The following CASTOR1 variants were observed in gnomAD, a reference collection of about 807,000 sequenced individuals.
CASTOR1 encodes GATS protein like 3.
A neutral mutation model predicts 33.7 loss-of-function variants in CASTOR1; 18 were observed. That is an observed-to-expected ratio of 0.53 (90% CI 0.37 to 0.79). The LOEUF (loss-of-function observed/expected upper bound fraction) is 0.79. Among genes scored for constraint, CASTOR1 ranks in the 30% least tolerant of loss-of-function variants. CASTOR1 has a pLI of 0.00. For synonymous variants in CASTOR1, 175 were observed against 190.6 expected, an observed-to-expected ratio of 0.92 and a Z score of 0.67; for missense variants, 362 against 446.3, an observed-to-expected ratio of 0.81 and a Z score of 1.70.
chr22:30,286,728 C>A (rs1233100480), intron 5 of CASTOR1, 97 bp downstream of exon 5: 1 of 1,483,530 alleles, frequency 6.7e-7, no homozygotes, highest in Non-Finnish European at 9.3e-7. Flanking sequence ...CAAGAGAGGA[C>A]AAGCAAGAGG....
intron 4 of CASTOR1, 60 bp from the exon 5 acceptor site, chr22:30,287,008 T>C (rs1929792335): frequency 3.8e-6 from 6 of 1,572,488 alleles, no homozygotes; most frequent in African/African-American, 2.7e-5. Flanking sequence ...CCCTGGTGGC[T>C]AGTCAGGGAG....
chr22:30,288,587 G>T, intron 2 of CASTOR1, 119 bp downstream of exon 2: 3 of 798,140 alleles, frequency 3.8e-6, no homozygotes, highest in East Asian at 2.8e-5. Flanking sequence ...TTCGAACCCC[G>T]ACCCATCTGC....
Position 30,288,755 on chromosome 22 carries a change from C to T in CASTOR1, c.135G>A (p.Thr45=). Reference sequence around the variant, plus strand: ...TAAGCGTGTAATCCTCAGGGGTCTCCGTCAGGCTGAAGAACTTGCACCTGG... The same window carrying T: ...TAAGCGTGTAATCCTCAGGGGTCTCTGTCAGGCTGAAGAACTTGCACCTGG... ...RRSRCKFFSL[T]ETPEDYTLMV... is the part of the protein sequence containing the mutation. Residue 45 remains threonine (T), a synonymous_variant, in exon 2 of 9, where the codon ACG becomes ACA. Transcript: ENST00000407689. 6.2e-7 allele frequency: 1 copy of T among 1,612,364 alleles called. No individual in the cohort carries two copies. Among genetic ancestry groups the T allele is most frequent in the Non-Finnish European group, 8.5e-7 (1 of 1,179,366 alleles).
chr22:30,287,176 C>T lies in CASTOR1; in HGVS notation c.484G>A (p.Gly162Ser), dbSNP rs1333967389. The T allele has an allele frequency of 1.2e-6, 2 of 1,611,194 alleles. No homozygotes were observed. The highest frequency in any genetic ancestry group is 2.2e-5 in the South Asian group (2 of 90,864). The change falls in exon 4 of 9, where the codon GGC (glycine) becomes AGC (serine). Residue 162 changes from glycine (G) to serine (S), a missense_variant. Coordinates refer to ENST00000407689, the MANE Select transcript of CASTOR1 (RefSeq NM_001037666.3). Reference sequence around the variant, plus strand: ...TCACCATGCTGAGTGCGGGGAAAGCCATTGCTGGAATCATCCCTCGTCACA... The same window carrying T: ...TCACCATGCTGAGTGCGGGGAAAGCTATTGCTGGAATCATCCCTCGTCACA... ...VPVTRDDSSN[G>S]FPRTQHGPSP...
Position 30,288,688 on chromosome 22 carries a change from C to A in CASTOR1, c.184+18G>T. On this transcript the variant is annotated intron_variant, in intron 2 of 8. Transcript: ENST00000407689. ...GACAAGCCCCTCCCGTACTCCCGTT[C>A]CCCAGACCAACCCCCACCTTTAAAG... is the stretch of plus-strand genomic sequence containing the variant. 6.2e-7 allele frequency: 1 copy of A among 1,607,744 alleles called. No individual in the cohort carries two copies.
chr22:30,285,591 C>A lies in CASTOR1; in HGVS notation c.*29G>T, dbSNP rs777212762. 1 of 1,520,470 alleles carries A rather than the reference C, an allele frequency of 6.6e-7. No individual in the cohort carries two copies. The highest frequency in any genetic ancestry group is 8.9e-7 in the Non-Finnish European group (1 of 1,121,818). The allele number at this position is 1,520,470 out of a possible 1,614,324, so 94.2% of individuals were successfully genotyped here. ...TTGGAAGCCTGGGTCGAGGGGAGAG[C>A]AGGGAGGCTGCTCTGTTGCCCATGG... On this transcript the variant is annotated 3_prime_UTR_variant, in exon 9 of 9. Transcript: ENST00000407689.
At chr22:30,288,204 G>C (rs750883298) in intron 2 of CASTOR1, among the ~76,000 whole-genome samples, 38 of 152,230 alleles carry the variant, frequency 2.5e-4, no homozygotes, top group Non-Finnish European at 4.1e-4. Context: ...CTGGGTGGCT[G>C]CTATTCACCC....
At chr22:30,286,682 G>T in intron 5 of CASTOR1, 143 bp downstream of exon 5, 1 of 1,078,284 alleles carries the variant, frequency 9.3e-7, no homozygotes, top group Non-Finnish European at 1.4e-6. Flanking sequence ...GAACATCAGT[G>T]AAGCACAAGT....
intron 7 of CASTOR1, 40 bp from the exon 8 acceptor site, chr22:30,285,966 G>T (rs1408312368): frequency 6.3e-7 from 1 of 1,583,408 alleles, no homozygotes; most frequent in South Asian, 1.2e-5. Context: ...GCACATGCCG[G>T]TTGCTCCCCA....
intron 2 of CASTOR1, 22 bp downstream of exon 2, chr22:30,288,684 C>T (rs1929849883): frequency 6.2e-7 from 1 of 1,603,536 alleles, no homozygotes; most frequent in Non-Finnish European, 8.5e-7. Context: ...CCCGTACTCC[C>T]GTTCCCCAGA....
intron 4 of CASTOR1, 37 bp downstream of exon 4, chr22:30,287,118 C>G: frequency 6.3e-7 from 1 of 1,585,184 alleles, no homozygotes; most frequent in Non-Finnish European, 8.6e-7. Flanking sequence ...GAAGAGGAGG[C>G]CCTGCCCAAG....
chr22:30,286,907 G>A lies in CASTOR1; in HGVS notation c.547C>T (p.Arg183Cys), dbSNP rs373540448. 53 of 1,614,032 alleles carry A rather than the reference G, an allele frequency of 3.3e-5. No individual in the cohort carries two copies. Among genetic ancestry groups the A allele is most frequent in the Admixed American group, 6.7e-5 (4 of 60,008 alleles). ...GGGTCCAGTGTGAGGACACAGAAGCGGTTCTGTGGGCTCTGGATGGGATGC... is the reference window on the plus strand; with the variant it reads ...GGGTCCAGTGTGAGGACACAGAAGCAGTTCTGTGGGCTCTGGATGGGATGC... ...TVHPIQSPQNRFCVLTLDPET... is the reference protein window; with the variant it reads ...TVHPIQSPQNCFCVLTLDPET... Residue 183 changes from arginine (R) to cysteine (C), a missense_variant, in exon 5 of 9, where the codon CGC (arginine) becomes TGC (cysteine). Coordinates refer to ENST00000407689, the MANE Select transcript of CASTOR1 (RefSeq NM_001037666.3).
intron 1 of CASTOR1, chr22:30,289,000 C>T (rs1929862537): frequency 1.8e-6 from 1 of 558,922 alleles, no homozygotes. Flanking sequence ...CCCTCCACTC[C>T]TGGAGGGAGG....
Position 30,285,488 on chromosome 22 carries a change from A to G in CASTOR1, c.*132T>C, listed in dbSNP as rs1929730383. On this transcript the variant is annotated 3_prime_UTR_variant, in exon 9 of 9. Coordinates refer to ENST00000407689, the MANE Select transcript of CASTOR1 (RefSeq NM_001037666.3). Reference sequence around the variant, plus strand: ...AAGCCGGTGCCTGCACGCAGCTTACATACAGAGAGCGGAACGAGGGTCCCC... The same window carrying G: ...AAGCCGGTGCCTGCACGCAGCTTACGTACAGAGAGCGGAACGAGGGTCCCC... 1.4e-6 allele frequency: 1 copy of G among 714,772 alleles called. No homozygotes were observed. 44.3% of individuals were successfully genotyped at this position (714,772 alleles called of 1,614,324 possible).
chr22:30,287,170 G>A lies in CASTOR1; in HGVS notation c.490C>T (p.Pro164Ser). The change falls in exon 4 of 9, where the codon CCC becomes TCC. Residue 164 changes from proline (P) to serine (S), a missense_variant. By Grantham distance (74) the Pro-to-Ser change is moderately conservative. Transcript: ENST00000407689. ...CGGCCCTCACCATGCTGAGTGCGGG[G>A]AAAGCCATTGCTGGAATCATCCCTC... The part of the protein sequence containing the change: ...VTRDDSSNGF[P>S]RTQHGPSPTV... 3 of 1,611,012 alleles carry A rather than the reference G, an allele frequency of 1.9e-6. No homozygotes were observed. The highest frequency in any genetic ancestry group is 1.1e-5 in the South Asian group (1 of 90,858).
Position 30,287,578 on chromosome 22 carries a change from G to A in CASTOR1, c.185-18C>T, listed in dbSNP as rs758863424. Reference sequence around the variant, plus strand: ...GGGCAGCTCTGTGGGCAGGGGACATGTCAGGTCAGGGTCTACAAGGCTGGC... The same window carrying A: ...GGGCAGCTCTGTGGGCAGGGGACATATCAGGTCAGGGTCTACAAGGCTGGC... On this transcript the variant is annotated intron_variant, in intron 2 of 8. Coordinates refer to ENST00000407689, the MANE Select transcript of CASTOR1 (RefSeq NM_001037666.3). 2.9e-5 allele frequency: 46 copies of A among 1,597,278 alleles called. 1 individual carries two copies. The East Asian group carries it at 9.7e-4, about 34-fold the overall frequency.
chr22:30,289,498 C>T lies in CASTOR1; in HGVS notation c.-1G>A, dbSNP rs1315339110. 6.4e-7 allele frequency: 1 copy of T among 1,555,596 alleles called. No individual in the cohort carries two copies. The highest frequency in any genetic ancestry group is 8.6e-7 in the Non-Finnish European group (1 of 1,158,292). Reference sequence around the variant, plus strand: ...GGTGTTCTAGGATGTGCAGCTCCATCGCGGCTCGCGCGGACCCGACCCCGC... The same window carrying T: ...GGTGTTCTAGGATGTGCAGCTCCATTGCGGCTCGCGCGGACCCGACCCCGC... On this transcript the variant is annotated 5_prime_UTR_variant, in exon 1 of 9. Coordinates refer to ENST00000407689, the MANE Select transcript of CASTOR1 (RefSeq NM_001037666.3).
In CASTOR1 at chr22:30,289,394, C is replaced by T. The variant is rs1006825804; in HGVS notation, c.104G>A (p.Arg35His). ...GAACCCGGGCGCGCACCGGCTGCGG[C>T]GGGGCAGGAAGAGCAGCTTGATGAG... ...HPLIKLLFLP[R>H]RSRCKFFSLT... The change falls in exon 1 of 9, where the codon CGC becomes CAC. Residue 35 changes from arginine to histidine, a missense_variant. Transcript: ENST00000407689. 3 of 1,589,552 alleles carry T rather than the reference C, an allele frequency of 1.9e-6. No individual in the cohort carries two copies. The highest frequency in any genetic ancestry group is 2.6e-6 in the Non-Finnish European group (3 of 1,172,174).
In CASTOR1 at chr22:30,289,385, C is replaced by T; in HGVS notation, c.113G>A (p.Arg38Gln). Residue 38 changes from arginine to glutamine, a missense_variant and splice_region_variant, in exon 1 of 9, where the codon CGG becomes CAG. Arg to Gln is a conservative substitution (Grantham distance 43). Coordinates refer to ENST00000407689, the MANE Select transcript of CASTOR1 (RefSeq NM_001037666.3). ...IKLLFLPRRS[R>Q]CKFFSLTETP... Reference sequence around the variant, plus strand: ...TGCGCTCCCGAACCCGGGCGCGCACCGGCTGCGGCGGGGCAGGAAGAGCAG... The same window carrying T: ...TGCGCTCCCGAACCCGGGCGCGCACTGGCTGCGGCGGGGCAGGAAGAGCAG... 2 of 1,598,856 alleles carry T rather than the reference C, an allele frequency of 1.3e-6. No individual in the cohort carries two copies. The highest frequency in any genetic ancestry group is 8.5e-7 in the Non-Finnish European group (1 of 1,174,812).
Sources: gnomAD v4.1 joint callset for allele counts (sites outside exome capture counted in the v4.1 genomes callset) on GRCh38, gnomAD v4.1.1 for gene constraint, MANE v1.5 for transcripts, NCBI Gene and HGNC (gene_info 2026-07-23, HGNC 2026-07-21) for gene names.